COL1A1: variants seen among roughly 807,000 people sequenced by gnomAD.
COL1A1 encodes collagen alpha-1(I) chain.
A neutral mutation model predicts 195.7 loss-of-function variants in COL1A1; 21 were observed. The ratio of observed to expected loss-of-function variants is 0.11; its 90% CI spans 0.08 to 0.15. The LOEUF is 0.15. COL1A1 is among the 10% of genes least tolerant of loss of function. The pLI, the probability that COL1A1 is intolerant of heterozygous loss-of-function variation, is 1.00. For synonymous variants in COL1A1, 749 were observed against 747.3 expected, an observed-to-expected ratio of 1.00 and a Z score of -0.04; for missense variants, 1,365 against 2,051.0, an observed-to-expected ratio of 0.67 and a Z score of 6.46.
chr17:50,197,969 G>C lies in COL1A1; in HGVS notation c.622C>G (p.Pro208Ala), dbSNP rs748282160. 3.7e-6 allele frequency: 6 copies of C among 1,613,930 alleles called. No individual in the cohort carries two copies. In the African/African-American group the frequency reaches 6.7e-5, roughly 18 times the overall value. Residue 208 changes from proline to alanine, a missense_variant, in exon 8 of 51, where the codon CCT becomes GCT. This residue lies in a region of COL1A1 where 226 missense variants were observed against 372.9 expected (regional missense o/e 0.61). Transcript: ENST00000225964. ...CTTACTGAAGCTCCAGGCTCGCCAG[G>C]CTCACCAGGGGGACCTTGGAAGCCT... ...PQGFQGPPGEPGEPGASGPMG... is the reference protein window; with the variant it reads ...PQGFQGPPGEAGEPGASGPMG...
At position 50,194,937 on chromosome 17, in the gene COL1A1, G is replaced by T; in HGVS notation, c.1354-109C>A. The T allele has an allele frequency of 6.8e-7, 1 of 1,459,860 alleles. No homozygotes were observed. Among genetic ancestry groups the T allele is most frequent in the Non-Finnish European group, 9.5e-7 (1 of 1,047,338 alleles). 90.4% of individuals were successfully genotyped at this position (1,459,860 alleles called of 1,614,324 possible). A position where few individuals can be genotyped will look rare whatever the true frequency, so the allele number is the denominator to read the frequency against. ...AGTGTCAGGGGTTCCTGGGGGTGTG[G>T]CAGGGACTCCCCCAGAAGACTAGGG... is the stretch of plus-strand genomic sequence containing the variant. On this transcript the variant is annotated intron_variant, in intron 20 of 50. Coordinates refer to ENST00000225964, the MANE Select transcript of COL1A1 (RefSeq NM_000088.4). This position sits in a 1 kb window ranked among gnomAD's most constrained non-coding sequence, Gnocchi z 6.8.
chr17:50,184,886 A>G lies in COL1A1; in HGVS notation c.*616T>C, dbSNP rs1598282789. 4.4e-6 allele frequency: 1 copy of G among 229,318 alleles called. No homozygotes were observed. Among genetic ancestry groups the G allele is most frequent in the Non-Finnish European group, 8.6e-6 (1 of 115,718 alleles). 14.2% of individuals were successfully genotyped at this position (229,318 alleles called of 1,614,324 possible). On this transcript the variant is annotated 3_prime_UTR_variant, in exon 51 of 51. Transcript: ENST00000225964. ...GTGGCTCCCCCGGCATGACCCCCTC[A>G]AAAACGAAGGGGAGATGTTGCAAGA...
chr17:50,186,217 C>A lies in COL1A1; in HGVS notation c.4005+100G>T. ...CCCCTGCCTCCCAGCCCAGCTCTGT[C>A]CATCACCCTTAGCAGAGACCTACTC... On this transcript the variant is annotated intron_variant, in intron 49 of 50. Transcript: ENST00000225964. This position sits in a 1 kb window ranked among gnomAD's most constrained non-coding sequence, Gnocchi z 5.3. 2 of 1,557,312 alleles carry A rather than the reference C, an allele frequency of 1.3e-6. No individual in the cohort carries two copies. The highest frequency in any genetic ancestry group is 1.8e-6 in the Non-Finnish European group (2 of 1,138,368).
At position 50,195,461 on chromosome 17, in the gene COL1A1, A is replaced by G; in HGVS notation, c.1173T>C (p.Asp391=). The change falls in exon 18 of 51, where the codon GAT becomes GAC. Residue 391 remains aspartate, a synonymous_variant. Coordinates refer to ENST00000225964, the MANE Select transcript of COL1A1 (RefSeq NM_000088.4). This position sits in a 1 kb window ranked among gnomAD's most constrained non-coding sequence, Gnocchi z 4.3. The stretch of plus-strand genomic sequence containing the variant: ...TGGCACCTTTAGCACCAGGCTGTCC[A>G]TCAGCACCAGGGTTTCCCTGTGGCA... The part of the protein sequence containing the change: ...AAGPAGNPGA[D]GQPGAKGANG... 2 of 1,614,162 alleles carry G rather than the reference A, an allele frequency of 1.2e-6. No homozygotes were observed.
At position 50,198,158 on chromosome 17, in the gene COL1A1, C is replaced by T. The variant is rs2144587659; in HGVS notation, c.588+3G>A. The T allele has an allele frequency of 6.2e-7, 1 of 1,614,068 alleles. No individual in the cohort carries two copies. Among genetic ancestry groups the T allele is most frequent in the East Asian group, 2.2e-5 (1 of 44,880 alleles). On this transcript the variant is annotated splice_donor_region_variant and intron_variant, in intron 7 of 50. Coordinates refer to ENST00000225964, the MANE Select transcript of COL1A1 (RefSeq NM_000088.4). ...GGCATATGAAGACGTCCTGGATACT[C>T]ACAGGTGCACCAGGGGGGCCAGGGA...
rs2144523531 is a variant in COL1A1, at chr17:50,184,412, G to A, written c.*1090C>T. 4.5e-6 allele frequency: 1 copy of A among 224,264 alleles called. No individual in the cohort carries two copies. The highest frequency in any genetic ancestry group is 6.2e-5 in the East Asian group (1 of 16,120). The allele number at this position is 224,264 out of a possible 1,614,324, so 13.9% of individuals were successfully genotyped here. A position where few individuals can be genotyped will look rare whatever the true frequency, so the allele number is the denominator to read the frequency against. ...AAAGTGAGCAGCGGGCTGGGCTGGA[G>A]CCGCACACGCTCTCCTCCCATGTTA... On this transcript the variant is annotated 3_prime_UTR_variant, in exon 51 of 51. Transcript: ENST00000225964.
intron 46 of COL1A1, 70 bp downstream of exon 46, chr17:50,187,414 C>T (rs1906650537): frequency 9.8e-6 from 15 of 1,538,156 alleles, no homozygotes; most frequent in Non-Finnish European, 1.3e-5. Flanking sequence ...GTGCCTGGGT[C>T]CCTGGCAAGG....
chr17:50,192,103 C>G, intron 29 of COL1A1, 79 bp from the exon 30 acceptor site: 1 of 1,488,488 alleles, frequency 6.7e-7, no homozygotes, highest in Non-Finnish European at 9.2e-7. Context: ...GGTCCTTCCT[C>G]CTGGGGTCTG....
Position 50,194,552 on chromosome 17 carries a change from C to G in COL1A1, c.1515+21G>C. On this transcript the variant is annotated intron_variant, in intron 22 of 50. Coordinates refer to ENST00000225964, the MANE Select transcript of COL1A1 (RefSeq NM_000088.4). The surrounding 1 kb of genome is among the most constrained non-coding windows in gnomAD (Gnocchi z 6.8). ...CCCAGGGAGCGGCAGGGTCAGCCCC[C>G]CGGCCGCAAGGAGAGGTTACCTTGG... 6.2e-7 allele frequency: 1 copy of G among 1,601,610 alleles called. No individual in the cohort carries two copies. Among genetic ancestry groups the G allele is most frequent in the Non-Finnish European group, 8.5e-7 (1 of 1,174,258 alleles).
rs759665341 is a variant in COL1A1 at position 50,190,877 on chromosome 17, G to A, written c.2283C>T (p.Gly761=). 4.5e-5 allele frequency: 72 copies of A among 1,613,816 alleles called. No individual in the cohort carries two copies. The highest frequency in any genetic ancestry group is 5.6e-5 in the Non-Finnish European group (66 of 1,179,882). The change falls in exon 33 of 51, where the codon GGC becomes GGT. Residue 761 remains glycine, a synonymous_variant. Transcript: ENST00000225964. The surrounding 1 kb of genome is among the most constrained non-coding windows in gnomAD (Gnocchi z 4.7). ...CAATGGGGCCAGTCAGACCACGGAC[G>A]CCATCTTTGCCAGGAGAGCCATCAG... ...KGADGSPGKD[G]VRGLTGPIGP...
intron 12 of COL1A1, 22 bp from the exon 13 acceptor site, chr17:50,196,550 G>A (rs1567761878): frequency 3.7e-6 from 6 of 1,614,074 alleles, no homozygotes; most frequent in Non-Finnish European, 5.1e-6. Context: ...AGAATAATGA[G>A]TGAGAAATTC....
Position 50,194,881 on chromosome 17 carries a change from C to T in COL1A1, c.1354-53G>A. The T allele has an allele frequency of 1.3e-6, 2 of 1,556,964 alleles. No homozygotes were observed. The highest frequency in any genetic ancestry group is 1.8e-6 in the Non-Finnish European group (2 of 1,139,766). The stretch of plus-strand genomic sequence containing the variant: ...CCTGTGGTGAGGGGCCATCCTGTGC[C>T]AGCCTCAGAGCCGGCTGAGGCTGGG... On this transcript the variant is annotated intron_variant, in intron 20 of 50. Coordinates refer to ENST00000225964, the MANE Select transcript of COL1A1 (RefSeq NM_000088.4). The surrounding 1 kb of genome is among the most constrained non-coding windows in gnomAD (Gnocchi z 6.8).
chr17:50,199,422 G>A lies in COL1A1; in HGVS notation c.365C>T (p.Pro122Leu). ...AGCCCAGAGTGCAACGCTTACCCTT[G>A]GGCCTCGGGGGCCAGTGTCTCCCTT... is the stretch of plus-strand genomic sequence containing the variant. ...GPKGDTGPRG[P>L]RGPAGPPGRD... The change falls in exon 4 of 51, where the codon CCA (proline) becomes CTA (leucine). Residue 122 changes from proline to leucine, a missense_variant. Pro to Leu is a moderately conservative substitution (Grantham distance 98). Around this residue, in one of 5 missense-constraint regions of COL1A1, gnomAD observed 194 missense variants for 221.7 expected, o/e 0.88. Coordinates refer to ENST00000225964, the MANE Select transcript of COL1A1 (RefSeq NM_000088.4). 1 of 1,614,056 alleles carries A rather than the reference G, an allele frequency of 6.2e-7. No individual in the cohort carries two copies. The highest frequency in any genetic ancestry group is 8.5e-7 in the Non-Finnish European group (1 of 1,179,952).
rs1906324578 is a variant in COL1A1 at position 50,184,735 on chromosome 17, C to G, written c.*767G>C. On this transcript the variant is annotated 3_prime_UTR_variant, in exon 51 of 51. Transcript: ENST00000225964. ...GTAGTCTTTCAGCAACACAGTTACACAAGGAACAGAACAGTCTCTCCCGCC... is the reference window on the plus strand; with the variant it reads ...GTAGTCTTTCAGCAACACAGTTACAGAAGGAACAGAACAGTCTCTCCCGCC... The G allele has an allele frequency of 4.3e-6, 1 of 231,962 alleles. No individual in the cohort carries two copies. Among genetic ancestry groups the G allele is most frequent in the Non-Finnish European group, 8.5e-6 (1 of 117,148 alleles). The allele number at this position is 231,962 out of a possible 1,614,324, so 14.4% of individuals were successfully genotyped here.
chr17:50,191,477 G>T lies in COL1A1; in HGVS notation c.2141C>A (p.Ala714Asp). 1 of 1,613,918 alleles carries T rather than the reference G, an allele frequency of 6.2e-7. No individual in the cohort carries two copies. The highest frequency in any genetic ancestry group is 2.2e-5 in the East Asian group (1 of 44,850). The change falls in exon 32 of 51, where the codon GCC (alanine) becomes GAC (aspartate). Residue 714 changes from alanine to aspartate, a missense_variant. Coordinates refer to ENST00000225964, the MANE Select transcript of COL1A1 (RefSeq NM_000088.4). ...GNDGAKGDAG[A>D]PGAPGSQGAP... ...GCCCTGGCTACCGGGAGCTCCAGGG[G>T]CACCAGCATCACCCTATGTGACAAC...
rs777989389 is a variant in COL1A1, at chr17:50,188,096, G to A, written c.3261C>T (p.Ala1087=). ...ATGGGGGACACAGCAGGGTACTTAC[G>A]GCGGGGCCACGGGCGCCAACAGGGC... The part of the protein sequence containing the change: ...PVGPVGARGP[A]GPQGPRGDKG... Residue 1087 remains alanine, a splice_region_variant and synonymous_variant, in exon 44 of 51, where the codon GCC becomes GCT. Coordinates refer to ENST00000225964, the MANE Select transcript of COL1A1 (RefSeq NM_000088.4). This position sits in a 1 kb window ranked among gnomAD's most constrained non-coding sequence, Gnocchi z 5.6. The A allele has an allele frequency of 7.5e-6, 12 of 1,602,758 alleles. No homozygotes were observed. Among genetic ancestry groups the A allele is most frequent in the Non-Finnish European group, 1.0e-5 (12 of 1,173,872 alleles).
In COL1A1 at chr17:50,188,957, A is replaced by G; in HGVS notation, c.2991T>C (p.Pro997=). 6.2e-7 allele frequency: 1 copy of G among 1,613,812 alleles called. No individual in the cohort carries two copies. Among genetic ancestry groups the G allele is most frequent in the Non-Finnish European group, 8.5e-7 (1 of 1,179,838 alleles). The change falls in exon 41 of 51, where the codon CCT becomes CCC. Residue 997 remains proline (P), a synonymous_variant. Coordinates refer to ENST00000225964, the MANE Select transcript of COL1A1 (RefSeq NM_000088.4). The surrounding 1 kb of genome is among the most constrained non-coding windows in gnomAD (Gnocchi z 5.6). The stretch of plus-strand genomic sequence containing the variant: ...CCAATCCAGGGGGGCCCATGGGACC[A>G]GGGGGACCACGTTCACCACTTGCTC... ...PSGASGERGP[P]GPMGPPGLAG...
rs1286205062 is a variant in COL1A1, at chr17:50,185,415, G to A, written c.*87C>T. The A allele has an allele frequency of 2.0e-6, 3 of 1,521,720 alleles. No individual in the cohort carries two copies. Among genetic ancestry groups the A allele is most frequent in the East Asian group, 4.5e-5 (2 of 44,282 alleles). 94.3% of individuals were successfully genotyped at this position (1,521,720 alleles called of 1,614,324 possible). ...TTGTCTCCCATTTTTTGGCTTTTGA[G>A]GGGGTTCAGTTTGGGTTGCTTGTCT... On this transcript the variant is annotated 3_prime_UTR_variant, in exon 51 of 51. Coordinates refer to ENST00000225964, the MANE Select transcript of COL1A1 (RefSeq NM_000088.4).
intron 1 of COL1A1, chr17:50,200,189 C>T: frequency 1.8e-6 from 1 of 558,958 alleles, no homozygotes; most frequent in East Asian, 3.1e-5. Context: ...AGCTTTAGTC[C>T]GCGGTGGCTT....
Sources: allele counts gnomAD v4.1 joint callset, GRCh38; gene constraint gnomAD v4.1.1; regional missense constraint gnomAD v4.1.1; non-coding constraint Gnocchi (gnomAD v3.1); transcripts MANE v1.5; gene names NCBI Gene and HGNC (gene_info 2026-07-23, HGNC 2026-07-21).